The following DPH6 variants were observed in gnomAD, a reference collection of about 807,000 sequenced individuals.
DPH6 encodes the protein diphthine--ammonia ligase.
In DPH6, 33 loss-of-function variants were observed where a neutral mutation model predicts 38.2. The ratio of observed to expected loss-of-function variants is 0.86; its 90% confidence interval spans 0.65 to 1.15. The LOEUF (loss-of-function observed/expected upper bound fraction) is 1.15. DPH6 is among the 50% of genes most tolerant of loss of function. DPH6 has a pLI of 0.00. For synonymous variants in DPH6, 108 were observed against 103.0 expected, an observed-to-expected ratio of 1.05 and a Z score of -0.30; for missense variants, 325 against 320.0, an observed-to-expected ratio of 1.02 and a Z score of -0.12.
intron 3 of DPH6, chr15:35,237,576 C>T (rs2051562825): frequency 6.4e-7 from 1 of 1,565,760 alleles, no homozygotes; most frequent in Non-Finnish European, 8.8e-7. Flanking sequence ...GAAGCATTGG[C>T]AGAAAAGTGT....
chr15:35,243,324 C>T (rs1365084305), intron 3 of DPH6, among the ~76,000 whole-genome samples: 1 of 141,556 alleles, frequency 7.1e-6, no homozygotes, highest in Non-Finnish European at 1.5e-5. Flanking sequence ...CTCTCCATAC[C>T]ACCCCCCAAA....
intron 3 of DPH6, among the ~76,000 whole-genome samples, chr15:35,507,083 T>C (rs1014763212): frequency 6.6e-6 from 1 of 152,080 alleles, no homozygotes; most frequent in African/African-American, 2.4e-5. Flanking sequence ...AACAAAATAC[T>C]TTCTTATGAA....
At chr15:35,345,276 G>T (rs141345375) in intron 3 of DPH6, among the ~76,000 whole-genome samples, 2 of 151,924 alleles carry the variant, frequency 1.3e-5, no homozygotes, top group African/African-American at 4.8e-5. Flanking sequence ...CATCTCTGTA[G>T]ATTTGTTTTG....
chr15:35,389,707 C>T (rs961055084), intron 6 of DPH6, among the ~76,000 whole-genome samples: 2 of 152,154 alleles, frequency 1.3e-5, no homozygotes, highest in African/African-American at 2.4e-5. Flanking sequence ...GATCTTCCTC[C>T]ATCCCTTTAT....
In DPH6 at chr15:35,287,987, C is replaced by A. The variant is rs12438441; in HGVS notation, n.201-67405G>T. On this transcript the variant is annotated intron_variant and non_coding_transcript_variant, in intron 3 of 3. Transcript: ENST00000560386. ...TGTCAGGTACTCCATAAATAAACCA[C>A]GGACAATACCTGACACTGGACCTTT... 0.021 allele frequency among the ~76,000 whole-genome samples: 3,143 copies of A among 152,254 alleles called. 297 individuals carry two copies. The East Asian group carries it at 0.31, about 15-fold the overall frequency.
At position 35,384,453 on chromosome 15, in the gene DPH6, G is replaced by A. The variant is rs560447117; in HGVS notation, c.568-2537C>T. The stretch of plus-strand genomic sequence containing the variant: ...GAAGTATAGAGAGAACTTCAAGGCC[G>A]AGGCCAGGAACTAGATGCTAATAGC... On this transcript the variant is annotated intron_variant, in intron 6 of 8. Transcript: ENST00000256538. 7.2e-5 allele frequency among the ~76,000 whole-genome samples: 11 copies of A among 152,158 alleles called. No individual in the cohort carries two copies. The East Asian group carries it at 1.2e-3, about 16-fold the overall frequency.
chr15:35,287,401 A>G (rs1187146641), intron 3 of DPH6, among the ~76,000 whole-genome samples: 2 of 152,172 alleles, frequency 1.3e-5, no homozygotes, highest in African/African-American at 2.4e-5. Context: ...CATTATTTGC[A>G]GTTACTTTCA....
At chr15:35,400,949 G>C (rs2053209795) in intron 6 of DPH6, 5 of 1,030,762 alleles carry the variant, frequency 4.9e-6, no homozygotes, top group Non-Finnish European at 7.5e-6. Context: ...TGGAACCAAA[G>C]AGAGCTGTCT....
At chr15:35,187,768 T>C in the DPH6 span, among the ~76,000 whole-genome samples, 3 of 152,150 alleles carry the variant, frequency 2.0e-5, no homozygotes, top group African/African-American at 7.2e-5. Flanking sequence ...GGAGGATTGA[T>C]TGAGCCCAGA....
intron 3 of DPH6, among the ~76,000 whole-genome samples, chr15:35,310,369 A>G (rs900271613): frequency 6.6e-6 from 1 of 152,172 alleles, no homozygotes; most frequent in African/African-American, 2.4e-5. Flanking sequence ...GGACTGTTCT[A>G]GGGTAGGCAG....
At chr15:35,285,744 T>C (rs934736478) in intron 3 of DPH6, among the ~76,000 whole-genome samples, 14 of 152,076 alleles carry the variant, frequency 9.2e-5, no homozygotes, top group Non-Finnish European at 1.8e-4. Flanking sequence ...AAGTGGAAAT[T>C]TGTTTAGCTA....
intron 2 of DPH6, among the ~76,000 whole-genome samples, chr15:35,542,140 C>A (rs1304977620): frequency 1.3e-5 from 2 of 152,046 alleles, no homozygotes; most frequent in Non-Finnish European, 2.9e-5. Context: ...CTTAACTCTA[C>A]AAGTTTGTGC....
At chr15:35,483,950 T>C (rs988364229) in intron 3 of DPH6, among the ~76,000 whole-genome samples, 1 of 152,206 alleles carries the variant, frequency 6.6e-6, no homozygotes, top group Non-Finnish European at 1.5e-5. Context: ...TTGGATGATT[T>C]CATTTACATG....
intron 3 of DPH6, among the ~76,000 whole-genome samples, chr15:35,334,336 T>A (rs984004021): frequency 1.3e-5 from 2 of 152,306 alleles, no homozygotes; most frequent in Middle Eastern, 3.4e-3. Flanking sequence ...TTGTATATTA[T>A]GATAGCAAAA....
intron 3 of DPH6, chr15:35,238,202 G>A: frequency 4.1e-6 from 1 of 245,088 alleles, no homozygotes; most frequent in Non-Finnish European, 7.9e-6. Flanking sequence ...GAGGGGAAAG[G>A]TGTACTGGGG....
intron 3 of DPH6, among the ~76,000 whole-genome samples, chr15:35,465,616 A>T (rs2054116985): frequency 6.6e-6 from 1 of 152,202 alleles, no homozygotes; most frequent in Admixed American, 6.5e-5. Context: ...ATATTCAGGA[A>T]TCTAATTAAA....
chr15:35,317,083 C>T (rs185492089), intron 3 of DPH6, among the ~76,000 whole-genome samples: 37 of 152,056 alleles, frequency 2.4e-4, no homozygotes, highest in African/African-American at 8.2e-4. Flanking sequence ...CATGGTGAAA[C>T]CCTATCTCTA....
chr15:35,176,533 G>A, the DPH6 span, among the ~76,000 whole-genome samples: 4 of 151,106 alleles, frequency 2.6e-5, no homozygotes, highest in South Asian at 2.1e-4. Context: ...GTGCAATGGC[G>A]TGATCTCAGC....
intron 3 of DPH6, among the ~76,000 whole-genome samples, chr15:35,259,352 T>C (rs1475910963): frequency 6.6e-6 from 1 of 152,202 alleles, no homozygotes; most frequent in African/African-American, 2.4e-5. Flanking sequence ...GAGATTTTGC[T>C]ACAAGTATGA....
Sources: allele counts gnomAD v4.1 joint callset (sites outside exome capture counted in the v4.1 genomes callset), GRCh38; gene constraint gnomAD v4.1.1; transcripts MANE v1.5; gene names NCBI Gene and HGNC (gene_info 2026-07-23, HGNC 2026-07-21).